Variants in ARSG observed in about 807,000 individuals in gnomAD.
The protein encoded by ARSG is arylsulfatase G.
ARSG carries 37 observed loss-of-function variants against 50.5 expected under a neutral mutation model. The observed-to-expected ratio is 0.73, with a 90% confidence interval of 0.56 to 0.96. The LOEUF (loss-of-function observed/expected upper bound fraction) is 0.96. Among genes scored for constraint, ARSG ranks in the 50% least tolerant of loss-of-function variants. ARSG has a pLI of 0.00. For synonymous variants in ARSG, 225 were observed against 254.6 expected (o/e 0.88, Z 1.11); for missense variants, 629 against 675.3 (o/e 0.93, Z 0.76).
At chr17:68,361,426 ACGTAAAGT>A (rs2079279189) in intron 6 of ARSG, among the ~76,000 whole-genome samples, 1 of 152,108 alleles carries the variant, frequency 6.6e-6, no homozygotes, top group South Asian at 2.1e-4. Context: ...GAACTGGGAG[ACGTAAAGT>A]CAGGCGTGGT....
chr17:68,385,625 T>G (rs1023147844), intron 9 of ARSG, among the ~76,000 whole-genome samples: 1 of 151,486 alleles, frequency 6.6e-6, no homozygotes, highest in South Asian at 2.1e-4. Context: ...AGCCATCTTC[T>G]GGGAATAACA....
At chr17:68,347,088 G>A in intron 3 of ARSG, 37 bp from the exon 4 acceptor site, 4 of 1,611,384 alleles carry the variant, frequency 2.5e-6, no homozygotes, top group Non-Finnish European at 3.4e-6. Flanking sequence ...ACCCCTATGG[G>A]GATTCCTCTG....
chr17:68,437,010 A>ATGTGTGTGTG, the ARSG span, among the ~76,000 whole-genome samples: 3,582 of 77,848 alleles, frequency 0.046, 63 homozygotes, highest in Non-Finnish European at 0.054. Context: ...AAAAAAATAT[A>ATGTGTGTGTG]TATATATGTG....
chr17:68,282,758 A>G (rs1173933162), intron 1 of ARSG, among the ~76,000 whole-genome samples: 1 of 140,710 alleles, frequency 7.1e-6, no homozygotes, highest in Non-Finnish European at 1.5e-5. Context: ...TCTGGCCAAC[A>G]TAGTGAAACC....
intron 2 of ARSG, among the ~76,000 whole-genome samples, chr17:68,337,550 A>T (rs184674705): frequency 2.0e-5 from 3 of 152,284 alleles, no homozygotes; most frequent in Admixed American, 2.0e-4. Context: ...TGCTGTCTGG[A>T]TGATCATGAC....
chr17:68,421,071 C>G (rs757454630), downstream of ARSG: 2 of 155,056 alleles, frequency 1.3e-5, no homozygotes, highest in Non-Finnish European at 2.9e-5. Flanking sequence ...TCCTACATTT[C>G]TATCAAACAA....
chr17:68,376,172 C>T (rs952537193), intron 8 of ARSG, among the ~76,000 whole-genome samples: 8 of 149,160 alleles, frequency 5.4e-5, no homozygotes, highest in African/African-American at 1.2e-4. Flanking sequence ...TGCAATGGCG[C>T]GATCATAGCT....
intron 1 of ARSG, among the ~76,000 whole-genome samples, chr17:68,281,323 C>T (rs950992756): frequency 7.9e-5 from 12 of 152,104 alleles, no homozygotes; most frequent in African/African-American, 2.9e-4. Flanking sequence ...AATCCCAGCA[C>T]TTTGGGAGCC....
intron 10 of ARSG, among the ~76,000 whole-genome samples, chr17:68,398,307 A>G (rs2081336709): frequency 2.0e-5 from 3 of 152,232 alleles, no homozygotes; most frequent in Non-Finnish European, 4.4e-5. Flanking sequence ...GCATGCACAC[A>G]CATACATGTA....
the ARSG span, among the ~76,000 whole-genome samples, chr17:68,437,016 A>ATGTGTGTGTGTGTGTGTG: frequency 0.023 from 3,396 of 144,590 alleles, 156 homozygotes; most frequent in African/African-American, 0.082. Flanking sequence ...ATATATATAT[A>ATGTGTGTGTGTGTGTGTG]TGTGTGTGTG....
intron 8 of ARSG, among the ~76,000 whole-genome samples, chr17:68,374,909 G>A (rs548744645): frequency 5.5e-4 from 84 of 151,638 alleles, no homozygotes; most frequent in African/African-American, 2.0e-3. Context: ...TTTACTAGCT[G>A]GGCAACCACC....
upstream of ARSG, among the ~76,000 whole-genome samples, chr17:68,289,240 A>G (rs1442707266): frequency 6.6e-6 from 1 of 152,118 alleles, no homozygotes; most frequent in Non-Finnish European, 1.5e-5. Context: ...CGAGGCTGCA[A>G]TGAGCAGAGA....
In ARSG at chr17:68,351,584, A is replaced by C; in HGVS notation, c.464A>C (p.Tyr155Ser). ...SYHPNFRGFD[Y>S]YFGIPYSHDM... ...GTTGCTTCTATTCCAGGTTTTGATT[A>C]CTACTTTGGAATCCCATATAGCCAT... is the stretch of plus-strand genomic sequence containing the variant. The change falls in exon 5 of 12, where the codon TAC becomes TCC. Residue 155 changes from tyrosine to serine, a missense_variant. Transcript: ENST00000621439. The C allele has an allele frequency of 6.2e-7, 1 of 1,608,866 alleles. No individual in the cohort carries two copies. The highest frequency in any genetic ancestry group is 8.5e-7 in the Non-Finnish European group (1 of 1,175,284).
intron 5 of ARSG, among the ~76,000 whole-genome samples, chr17:68,353,362 A>G (rs531954867): frequency 2.3e-4 from 35 of 152,142 alleles, no homozygotes; most frequent in African/African-American, 7.9e-4. Context: ...TAGTCATTGA[A>G]CCAGCATGGT....
rs188844991 is a variant in ARSG at position 68,264,345 on chromosome 17, A to C, written c.-552+4919A>C. On this transcript the variant is annotated intron_variant, in intron 1 of 11. Coordinates refer to the ARSG transcript ENST00000448504. Reference sequence around the variant, plus strand: ...AATAAATGCTGAAAAGCTACATTACATATTATTGGAGTATAAAATGTATAA... The same window carrying C: ...AATAAATGCTGAAAAGCTACATTACCTATTATTGGAGTATAAAATGTATAA... Among the ~76,000 whole-genome samples the C allele has an allele frequency of 1.8e-3, 268 of 152,330 alleles. 1 individual carries two copies. The highest frequency in any genetic ancestry group is 4.1e-3 in the Admixed American group (63 of 15,296).
chr17:68,278,331 A>T, intron 1 of ARSG: 2 of 1,602,610 alleles, frequency 1.2e-6, no homozygotes, highest in Non-Finnish European at 1.7e-6. Flanking sequence ...TCTTAATCTG[A>T]AAGAAAAAGT....
Position 68,273,765 on chromosome 17 carries a change from G to A in ARSG, c.-552+14339G>A, listed in dbSNP as rs139354354. The A allele has an allele frequency of 1.9e-3, 1,378 of 721,490 alleles. 32 individuals carry two copies. The East Asian group carries it at 0.035, about 19-fold the overall frequency. The allele number at this position is 721,490 out of a possible 1,614,324, so 44.7% of individuals were successfully genotyped here. A position where few individuals can be genotyped will look rare whatever the true frequency, so the allele number is the denominator to read the frequency against. ...AGAACAGATTCCCAGGTCCCCTGAA[G>A]TCCATATAGCTCAGTTCAAAACTAC... On this transcript the variant is annotated intron_variant, in intron 1 of 11. Transcript: ENST00000448504.
chr17:68,444,607 TATC>T, the ARSG span: 21 of 1,603,168 alleles, frequency 1.3e-5, no homozygotes, highest in African/African-American at 2.3e-4. Flanking sequence ...CACACAGACT[TATC>T]AGTCTACCGA....
intron 6 of ARSG, among the ~76,000 whole-genome samples, chr17:68,358,864 T>TA (rs1389431866): frequency 6.7e-6 from 1 of 149,386 alleles, no homozygotes; most frequent in African/African-American, 2.5e-5. Flanking sequence ...GCCTGTCTCT[T>TA]AAAAAACCCC....
Sources: allele counts gnomAD v4.1 joint callset (sites outside exome capture counted in the v4.1 genomes callset), GRCh38; gene constraint gnomAD v4.1.1; transcripts MANE v1.5; gene names NCBI Gene and HGNC (gene_info 2026-07-23, HGNC 2026-07-21).